PCDH15: variants seen among roughly 807,000 people sequenced by gnomAD.
PCDH15 encodes the protein protocadherin related 15.
Under a neutral mutation model 178.5 loss-of-function variants are expected in PCDH15, and 129 were observed. That is an observed-to-expected ratio of 0.72 (90% confidence interval 0.63 to 0.84). PCDH15 has a LOEUF of 0.84. Ranked by LOEUF, PCDH15 falls within the 40% of genes least tolerant of loss-of-function variation. PCDH15 has a pLI of 0.00. For synonymous variants in PCDH15, 800 were observed against 732.0 expected (o/e 1.09, Z -1.50); for missense variants, 2,230 against 2,099.9 (o/e 1.06, Z -1.21).
chr10:54,235,711 C>G (rs1437254025), intron 9 of PCDH15, among the ~76,000 whole-genome samples: 1 of 152,138 alleles, frequency 6.6e-6, no homozygotes, highest in African/African-American at 2.4e-5. Context: ...GACTCCCTAA[C>G]CTAGAACATT....
At chr10:53,830,305 GAAA>G (rs34416053) in intron 30 of PCDH15, among the ~76,000 whole-genome samples, 3 of 140,030 alleles carry the variant, frequency 2.1e-5, no homozygotes, top group East Asian at 2.0e-4. Context: ...CCGTCTCCAG[GAAA>G]AAAAAAAAAA....
At chr10:54,539,496 C>T (rs2084957749) in intron 2 of PCDH15, among the ~76,000 whole-genome samples, 1 of 152,094 alleles carries the variant, frequency 6.6e-6, no homozygotes, top group East Asian at 1.9e-4. Context: ...ACTTCTAAAC[C>T]TACAAAAAGA....
chr10:55,265,179 G>C (rs899942767), intron 1 of PCDH15, among the ~76,000 whole-genome samples: 1 of 151,932 alleles, frequency 6.6e-6, no homozygotes, highest in Non-Finnish European at 1.5e-5. Flanking sequence ...GTAAATTTGG[G>C]ACCAGTAAGT....
chr10:53,860,409 T>C (rs2133078401), intron 27 of PCDH15, among the ~76,000 whole-genome samples: 1 of 152,044 alleles, frequency 6.6e-6, no homozygotes, highest in Middle Eastern at 3.2e-3. Context: ...CACTGCTTTC[T>C]CTTCATCAGA....
intron 21 of PCDH15, among the ~76,000 whole-genome samples, chr10:53,966,416 CT>C (rs1394002707): frequency 6.6e-6 from 1 of 152,098 alleles, no homozygotes; most frequent in Non-Finnish European, 1.5e-5. Flanking sequence ...TTCTTCCCTT[CT>C]TTTTGCTTTC....
intron 2 of PCDH15, among the ~76,000 whole-genome samples, chr10:55,007,639 CCTT>C (rs1224310614): frequency 1.3e-5 from 2 of 151,944 alleles, no homozygotes; most frequent in African/African-American, 4.8e-5. Context: ...ATGTAAAACT[CCTT>C]CTTAGTTTGA....
intron 8 of PCDH15, among the ~76,000 whole-genome samples, chr10:54,254,324 C>T (rs2056737101): frequency 6.6e-6 from 1 of 152,002 alleles, no homozygotes; most frequent in Non-Finnish European, 1.5e-5. Context: ...AAATGCACAC[C>T]AGGATATACT....
intron 2 of PCDH15, among the ~76,000 whole-genome samples, chr10:55,560,190 G>C (rs1204003279): frequency 6.6e-6 from 1 of 151,862 alleles, no homozygotes; most frequent in African/African-American, 2.4e-5. Flanking sequence ...AAAATGTATA[G>C]TGATTTTCCC....
At chr10:54,170,805 C>G (rs1415978443) in intron 13 of PCDH15, among the ~76,000 whole-genome samples, 1 of 152,056 alleles carries the variant, frequency 6.6e-6, no homozygotes, top group African/African-American at 2.4e-5. Context: ...ATAGTACAAG[C>G]CACTAGCCCG....
intron 9 of PCDH15, among the ~76,000 whole-genome samples, chr10:54,230,156 T>C (rs1261465008): frequency 1.3e-5 from 2 of 152,124 alleles, no homozygotes; most frequent in African/African-American, 2.4e-5. Flanking sequence ...ATAAAGAACA[T>C]TTTCTTTAAA....
At chr10:54,966,915 G>A (rs1466321878) in intron 2 of PCDH15, among the ~76,000 whole-genome samples, 1 of 152,072 alleles carries the variant, frequency 6.6e-6, no homozygotes, top group Non-Finnish European at 1.5e-5. Context: ...AATACAGTAA[G>A]TAGTTGTGTA....
chr10:54,609,874 A>T (rs1488234809), intron 2 of PCDH15, among the ~76,000 whole-genome samples: 1 of 152,026 alleles, frequency 6.6e-6, no homozygotes, highest in African/African-American at 2.4e-5. Flanking sequence ...AATACATTAG[A>T]TAGCTAAATA....
intron 2 of PCDH15, among the ~76,000 whole-genome samples, chr10:54,657,113 T>C (rs911910241): frequency 1.3e-5 from 2 of 152,222 alleles, no homozygotes; most frequent in Non-Finnish European, 2.9e-5. Context: ...GAAGAGGATT[T>C]GCCCTGAGCC....
chr10:54,360,830 A>G (rs961146103), intron 5 of PCDH15, among the ~76,000 whole-genome samples: 3 of 152,062 alleles, frequency 2.0e-5, no homozygotes, highest in Non-Finnish European at 4.4e-5. Flanking sequence ...GAATAGAATA[A>G]AAATCAGAAC....
At position 54,370,021 on chromosome 10, in the gene PCDH15, T is replaced by C. The variant is rs1336326134; in HGVS notation, c.319-746A>G. ...TACTCCAGGCTATTATATTTTGTCA[T>C]TATAAAAAATACTTCAATACATAGT... On this transcript the variant is annotated intron_variant, in intron 4 of 37. Coordinates refer to ENST00000644397, the MANE Select transcript of PCDH15 (RefSeq NM_001384140.1). Among the ~76,000 whole-genome samples, 6 of 152,044 alleles carry C rather than the reference T, an allele frequency of 3.9e-5. No homozygotes were observed. The South Asian group carries it at 6.2e-4, about 16-fold the overall frequency.
At chr10:55,078,194 T>C (rs1841956646) in intron 2 of PCDH15, among the ~76,000 whole-genome samples, 2 of 152,184 alleles carry the variant, frequency 1.3e-5, no homozygotes, top group Admixed American at 1.3e-4. Flanking sequence ...ATTAGTCTTA[T>C]GGGAGTGTTT....
chr10:54,719,603 G>A (rs1471219744), intron 1 of PCDH15, among the ~76,000 whole-genome samples: 1 of 151,824 alleles, frequency 6.6e-6, no homozygotes, highest in African/African-American at 2.4e-5. Flanking sequence ...GTGATTTGCT[G>A]CACTTATCAA....
In PCDH15 at chr10:55,419,621, C is replaced by T. The variant is rs986458948; in HGVS notation, c.-156+208004G>A. 5.9e-5 allele frequency among the ~76,000 whole-genome samples: 9 copies of T among 151,688 alleles called. No individual in the cohort carries two copies. In the South Asian group the frequency reaches 1.9e-3, roughly 31 times the overall value. The stretch of plus-strand genomic sequence containing the variant: ...ATAGTGGTTTAAAGACCCAAAGTCA[C>T]GTTCATTTAAAATGAGACTTTTGAA... On this transcript the variant is annotated intron_variant, in intron 2 of 5. Transcript: ENST00000613346.
intron 2 of PCDH15, among the ~76,000 whole-genome samples, chr10:54,531,535 G>A (rs1241802547): frequency 6.6e-6 from 1 of 152,020 alleles, no homozygotes; most frequent in Non-Finnish European, 1.5e-5. Flanking sequence ...TCAGACAAAG[G>A]CTTTTGAAAA....
Sources: allele counts gnomAD v4.1 joint callset (sites outside exome capture counted in the v4.1 genomes callset), GRCh38; gene constraint gnomAD v4.1.1; transcripts MANE v1.5; gene names NCBI Gene and HGNC (gene_info 2026-07-23, HGNC 2026-07-21).